The following ST6GAL2 variants were observed in gnomAD, a reference collection of about 807,000 sequenced individuals.
ST6GAL2 encodes the protein ST6 beta-galactoside alpha-2,6-sialyltransferase 2.
A neutral mutation model predicts 37.5 loss-of-function variants in ST6GAL2; 24 were observed. That is an observed-to-expected ratio of 0.64 (90% CI 0.46 to 0.90). The LOEUF is 0.90. Ranked by LOEUF, ST6GAL2 falls within the 40% of genes least tolerant of loss-of-function variation. The probability of loss-of-function intolerance (pLI) is 0.00; values close to 1 mark genes in which losing one functional copy is unlikely to be tolerated. For missense variants in ST6GAL2, 715 were observed against 712.7 expected (o/e 1.00, Z -0.04); for synonymous variants, 306 against 295.1 (o/e 1.04, Z -0.38).
intron 1 of ST6GAL2, among the ~76,000 whole-genome samples, chr2:106,868,351 T>C (rs1276173614): frequency 6.6e-6 from 1 of 152,202 alleles, no homozygotes; most frequent in Non-Finnish European, 1.5e-5. Context: ...ACTAAATCTG[T>C]GGACTCCAAA....
intron 5 of ST6GAL2, among the ~76,000 whole-genome samples, chr2:106,822,613 C>T (rs1247717842): frequency 6.6e-6 from 1 of 151,934 alleles, no homozygotes; most frequent in African/African-American, 2.4e-5. Context: ...ATCAAAATAC[C>T]AATGACATTC....
chr2:106,824,613 CAG>C (rs1676132821), intron 5 of ST6GAL2, among the ~76,000 whole-genome samples: 1 of 152,136 alleles, frequency 6.6e-6, no homozygotes, highest in Non-Finnish European at 1.5e-5. Flanking sequence ...GCCTGGATGA[CAG>C]AGTGAGAGTC....
intron 1 of ST6GAL2, among the ~76,000 whole-genome samples, chr2:106,858,108 A>G (rs1677652080): frequency 6.6e-6 from 1 of 152,200 alleles, no homozygotes; most frequent in Admixed American, 6.5e-5. Flanking sequence ...GCTTTTTTGT[A>G]TATGTGTGCA....
chr2:106,825,938 A>G (rs200395206), intron 5 of ST6GAL2, among the ~76,000 whole-genome samples: 2 of 152,176 alleles, frequency 1.3e-5, no homozygotes, highest in East Asian at 3.9e-4. Context: ...AGGCGCCAGT[A>G]ACAAGGCCTT....
At chr2:106,872,813 T>G (rs1411119616) in intron 1 of ST6GAL2, among the ~76,000 whole-genome samples, 1 of 152,062 alleles carries the variant, frequency 6.6e-6, no homozygotes, top group Non-Finnish European at 1.5e-5. Flanking sequence ...TGTTTTAAAC[T>G]TCATGTGCTT....
Position 106,843,794 on chromosome 2 carries a change from T to C in ST6GAL2, c.184A>G (p.Met62Val), listed in dbSNP as rs774244072. 2 of 1,610,826 alleles carry C rather than the reference T, an allele frequency of 1.2e-6. No homozygotes were observed. The highest frequency in any genetic ancestry group is 1.7e-5 in the Admixed American group (1 of 59,848). The change falls in exon 2 of 6, where the codon ATG becomes GTG. Residue 62 changes from methionine (M) to valine (V), a missense_variant. Met to Val is a conservative substitution (Grantham distance 21). Coordinates refer to ENST00000409382, the MANE Select transcript of ST6GAL2 (RefSeq NM_001142351.2). ...GGGGAGGGCTCATGTGCGGCGCCCATGATGGCCCGCTGCTTCCCCTGCACC... is the reference window on the plus strand; with the variant it reads ...GGGGAGGGCTCATGTGCGGCGCCCACGATGGCCCGCTGCTTCCCCTGCACC... The part of the protein sequence containing the change: ...LPVQGKQRAI[M>V]GAAHEPSPPG...
intron 5 of ST6GAL2, chr2:106,813,263 A>G: frequency 7.8e-7 from 1 of 1,287,652 alleles, no homozygotes; most frequent in Non-Finnish European, 9.9e-7. Flanking sequence ...AAGTATTAGT[A>G]TTTTCTAGGC....
chr2:106,834,766 C>A (rs1314632303), intron 2 of ST6GAL2: 7 of 152,420 alleles, frequency 4.6e-5, no homozygotes, highest in Admixed American at 3.9e-4. Flanking sequence ...CAATAGCCTG[C>A]CAGACCACCA....
chr2:106,868,602 T>G (rs1238424822), intron 1 of ST6GAL2, among the ~76,000 whole-genome samples: 1 of 152,204 alleles, frequency 6.6e-6, no homozygotes, highest in South Asian at 2.1e-4. Context: ...CAAACATGCT[T>G]GCTGCTAATA....
chr2:106,868,422 C>T (rs1678124718), intron 1 of ST6GAL2, among the ~76,000 whole-genome samples: 1 of 152,282 alleles, frequency 6.6e-6, no homozygotes, highest in African/African-American at 2.4e-5. Context: ...ATGCACCGCG[C>T]ATCTCAGTGC....
At chr2:106,813,244 G>T in intron 5 of ST6GAL2, 1 of 1,310,748 alleles carries the variant, frequency 7.6e-7, no homozygotes, top group Non-Finnish European at 9.8e-7. Flanking sequence ...GGATTCATTT[G>T]AAGAAAATAA....
At chr2:106,811,476 T>A (rs568603696) in intron 5 of ST6GAL2, among the ~76,000 whole-genome samples, 1 of 152,220 alleles carries the variant, frequency 6.6e-6, no homozygotes, top group Non-Finnish European at 1.5e-5. Flanking sequence ...TCAACATCTA[T>A]CAAGCTGACC....
intron 1 of ST6GAL2, among the ~76,000 whole-genome samples, chr2:106,856,095 A>G (rs574464491): frequency 7.1e-4 from 108 of 152,340 alleles, no homozygotes; most frequent in African/African-American, 2.5e-3. Context: ...GAGCATCCCA[A>G]CCTCACAGAG....
rs564186926 is a variant in ST6GAL2, at chr2:106,837,925, G to A, written c.944-3779C>T. 2.2e-4 allele frequency among the ~76,000 whole-genome samples: 33 copies of A among 152,278 alleles called. No individual in the cohort carries two copies. In the South Asian group the frequency reaches 4.6e-3, roughly 21 times the overall value. On this transcript the variant is annotated intron_variant, in intron 2 of 5. Transcript: ENST00000409382. ...GCAGAGTTAAAAGGCCACCTGCATGGAGAGGGCAGGGAGGCAGGGTCATGT... is the reference window on the plus strand; with the variant it reads ...GCAGAGTTAAAAGGCCACCTGCATGAAGAGGGCAGGGAGGCAGGGTCATGT...
At chr2:106,849,451 A>C (rs11124136) in intron 1 of ST6GAL2, among the ~76,000 whole-genome samples, 1 of 152,104 alleles carries the variant, frequency 6.6e-6, no homozygotes, top group Admixed American at 6.5e-5. Flanking sequence ...TGACTCTGGT[A>C]TAGCATCACG....
In ST6GAL2 at chr2:106,803,656, ACAG is replaced by A. The variant is rs1361876465; in HGVS notation, c.*3019_*3021del. On this transcript the variant is annotated 3_prime_UTR_variant, in exon 6 of 6. Transcript: ENST00000409382. ...AACAACAACAACAACAACAACAACA[ACAG>A]GTGAAATTATCTTGAAATACAAAAG... The A allele has an allele frequency of 2.1e-5, 3 of 141,044 alleles. No homozygotes were observed. Among genetic ancestry groups the A allele is most frequent in the African/African-American group, 7.8e-5 (3 of 38,364 alleles). The allele number at this position is 141,044 out of a possible 1,614,324, so 8.7% of individuals were successfully genotyped here.
chr2:106,884,904 CGCAT>C (rs1290842221), intron 1 of ST6GAL2, among the ~76,000 whole-genome samples: 3 of 41,156 alleles, frequency 7.3e-5, no homozygotes, highest in African/African-American at 5.3e-4. Flanking sequence ...AAATTTGCAG[CGCAT>C]ATATATATAT....
At position 106,843,017 on chromosome 2, in the gene ST6GAL2, C is replaced by T. The variant is rs558806407; in HGVS notation, c.943+18G>A. Reference sequence around the variant, plus strand: ...CTGGCTCAAGACAGGGCGACCTGGTCCCCCCGCTGAGACCTACCTATTTCC... The same window carrying T: ...CTGGCTCAAGACAGGGCGACCTGGTTCCCCCGCTGAGACCTACCTATTTCC... On this transcript the variant is annotated intron_variant, in intron 2 of 5. Coordinates refer to ENST00000409382, the MANE Select transcript of ST6GAL2 (RefSeq NM_001142351.2). 18 of 1,374,196 alleles carry T rather than the reference C, an allele frequency of 1.3e-5. No homozygotes were observed. The East Asian group carries it at 4.8e-4, about 36-fold the overall frequency. 85.1% of individuals were successfully genotyped at this position (1,374,196 alleles called of 1,614,324 possible). A position where few individuals can be genotyped will look rare whatever the true frequency, so the allele number is the denominator to read the frequency against.
At chr2:106,809,238 G>A (rs1321217511) in intron 5 of ST6GAL2, among the ~76,000 whole-genome samples, 6 of 152,228 alleles carry the variant, frequency 3.9e-5, no homozygotes, top group African/African-American at 1.4e-4. Flanking sequence ...AAGGAATCAC[G>A]CTGAAGGGGG....
Sources: gnomAD v4.1 joint callset for allele counts (sites outside exome capture counted in the v4.1 genomes callset) on GRCh38, gnomAD v4.1.1 for gene constraint, MANE v1.5 for transcripts, NCBI Gene and HGNC (gene_info 2026-07-23, HGNC 2026-07-21) for gene names.